The following LENG8 variants were observed in gnomAD, a reference collection of about 807,000 sequenced individuals.
LENG8 encodes the protein leukocyte receptor cluster (LRC) member 8.
LENG8 carries 28 observed loss-of-function variants against 102.1 expected under a neutral mutation model. The observed-to-expected ratio is 0.27, with a 90% CI of 0.20 to 0.38. LENG8 has a LOEUF of 0.38. Ranked by LOEUF, LENG8 falls within the 10% of genes least tolerant of loss-of-function variation. The pLI is 1.00. For missense variants in LENG8, 1,022 were observed against 1,113.9 expected, an observed-to-expected ratio of 0.92 and a Z score of 1.17; for synonymous variants, 531 against 456.7, an observed-to-expected ratio of 1.16 and a Z score of -2.07.
chr19:54,454,562 A>G lies in LENG8; in HGVS notation c.559A>G (p.Thr187Ala). Residue 187 changes from threonine to alanine, a missense_variant, in exon 6 of 16, where the codon ACA becomes GCA. By Grantham distance (58) the Thr-to-Ala change is moderately conservative. Around this residue, in one of 7 missense-constraint regions of LENG8, gnomAD observed 343 missense variants for 320.2 expected, o/e 1.07. Coordinates refer to ENST00000326764, the MANE Select transcript of LENG8 (RefSeq NM_052925.4). The part of the protein sequence containing the change: ...HTLNSGPQPG[T>A]APATQHSQAG... ...GCTGAACAGTGGCCCTCAGCCTGGG[A>G]CAGCTCCAGCCACACAGCACAGCCA... The G allele has an allele frequency of 6.2e-7, 1 of 1,612,456 alleles. No individual in the cohort carries two copies. The highest frequency in any genetic ancestry group is 1.1e-5 in the South Asian group (1 of 90,962).
chr19:54,461,048 G>T lies in LENG8; in HGVS notation c.*120G>T. On this transcript the variant is annotated 3_prime_UTR_variant, in exon 16 of 16. Coordinates refer to ENST00000326764, the MANE Select transcript of LENG8 (RefSeq NM_052925.4). ...ATTTGTGGGGAGTGCGCTCCAGGAA[G>T]AGCCACCATCCCTGCCCCCGTTTTC... The T allele has an allele frequency of 1.4e-6, 2 of 1,411,654 alleles. No individual in the cohort carries two copies. The highest frequency in any genetic ancestry group is 1.9e-6 in the Non-Finnish European group (2 of 1,040,860). The allele number at this position is 1,411,654 out of a possible 1,614,324, so 87.4% of individuals were successfully genotyped here. A position where few individuals can be genotyped will look rare whatever the true frequency, so the allele number is the denominator to read the frequency against.
In LENG8 at chr19:54,461,994, A is replaced by C. The variant is rs555467646; in HGVS notation, c.*1066A>C. ...CCATTTGGAAGCTTGAGAGAAACCA[A>C]AATTAAAGAGAGAAAGAGAGAGCGT... is the stretch of plus-strand genomic sequence containing the variant. On this transcript the variant is annotated 3_prime_UTR_variant, in exon 16 of 16. Transcript: ENST00000326764. 287 of 1,416,252 alleles carry C rather than the reference A, an allele frequency of 2.0e-4. 2 individuals carry two copies. Among genetic ancestry groups the C allele is most frequent in the Middle Eastern group, 1.6e-3 (9 of 5,516 alleles). The allele number at this position is 1,416,252 out of a possible 1,614,324, so 87.7% of individuals were successfully genotyped here.
chr19:54,456,458 G>A lies in LENG8; in HGVS notation c.1438G>A (p.Gly480Arg). ...TCGGGGCCGAGGCAGGGCGCAGCGT[G>A]GGAAGAGGTGAGACTGTGTGAGGGC... ...MDRGRGRAQR[G>R]KRHDLAPTKR... is the part of the protein sequence containing the mutation. Residue 480 changes from glycine (G) to arginine (R), a missense_variant, in exon 10 of 16, where the codon GGG becomes AGG. By Grantham distance (125) the Gly-to-Arg change is moderately radical. Transcript: ENST00000326764. 2 of 1,604,694 alleles carry A rather than the reference G, an allele frequency of 1.2e-6. No homozygotes were observed. The highest frequency in any genetic ancestry group is 1.7e-6 in the Non-Finnish European group (2 of 1,178,514).
At chr19:54,455,702 G>GGGATGAAGTCCTGGTT (rs2123128414) in intron 8 of LENG8, 135 bp downstream of exon 8, 1 of 932,814 alleles carries the variant, frequency 1.1e-6, no homozygotes, top group Non-Finnish European at 1.6e-6. Flanking sequence ...GGATCCTGGG[G>GGGATGAAGTCCTGGTT]GGATGAAGTC....
At chr19:54,450,906 C>T (rs1033011661) in intron 1 of LENG8, among the ~76,000 whole-genome samples, 1 of 152,186 alleles carries the variant, frequency 6.6e-6, no homozygotes, top group Non-Finnish European at 1.5e-5. Context: ...AGGCGTGAGC[C>T]ACCGCGCCTG....
At position 54,452,653 on chromosome 19, in the gene LENG8, C is replaced by T. The variant is rs201248644; in HGVS notation, c.216C>T (p.Tyr72=). ...SSNGPVASAQ[Y]VSQAEASALQ... Reference sequence around the variant, plus strand: ...CACATGTGCCTCTGCTTCCACAGTACGTGTCCCAGGCAGAAGCCTCAGCTT... The same window carrying T: ...CACATGTGCCTCTGCTTCCACAGTATGTGTCCCAGGCAGAAGCCTCAGCTT... The change falls in exon 4 of 16, where the codon TAC becomes TAT. Residue 72 remains tyrosine, a splice_region_variant and synonymous_variant. Coordinates refer to ENST00000326764, the MANE Select transcript of LENG8 (RefSeq NM_052925.4). The T allele has an allele frequency of 9.5e-5, 153 of 1,612,812 alleles. No homozygotes were observed. Among genetic ancestry groups the T allele is most frequent in the Non-Finnish European group, 1.2e-4 (139 of 1,178,994 alleles).
chr19:54,452,294 A>C, intron 3 of LENG8, 27 bp downstream of exon 3: 4 of 1,575,980 alleles, frequency 2.5e-6, no homozygotes, highest in Non-Finnish European at 3.5e-6. Flanking sequence ...GGGCTGGGGT[A>C]CCCTGAGCCA....
chr19:54,460,719 G>GGCCCCCCCCCCCCC, intron 15 of LENG8, 47 bp from the exon 16 acceptor site: 1 of 778,920 alleles, frequency 1.3e-6, no homozygotes, highest in Non-Finnish European at 1.8e-6. Flanking sequence ...GCCCTCCCCT[G>GGCCCCCCCCCCCCC]CCCTCCCGCC....
At position 54,461,513 on chromosome 19, in the gene LENG8, C is replaced by A. The variant is rs1412572274; in HGVS notation, c.*585C>A. 2.1e-6 allele frequency: 1 copy of A among 470,100 alleles called. No homozygotes were observed. Among genetic ancestry groups the A allele is most frequent in the African/African-American group, 2.0e-5 (1 of 50,104 alleles). The allele number at this position is 470,100 out of a possible 1,614,324, so 29.1% of individuals were successfully genotyped here. A position where few individuals can be genotyped will look rare whatever the true frequency, so the allele number is the denominator to read the frequency against. On this transcript the variant is annotated 3_prime_UTR_variant, in exon 16 of 16. Coordinates refer to ENST00000326764, the MANE Select transcript of LENG8 (RefSeq NM_052925.4). ...GTGCCAGCACCACCAGCACCAGATC[C>A]TCCGCCGCCACACCGCACTGAGGAC...
intron 1 of LENG8, among the ~76,000 whole-genome samples, chr19:54,450,747 AG>A (rs2083925461): frequency 6.6e-6 from 1 of 150,938 alleles, no homozygotes; most frequent in Admixed American, 6.6e-5. Flanking sequence ...CGGCCTCCCT[AG>A]TAGCTGGGAT....
At chr19:54,456,517 G>A in intron 10 of LENG8, 52 bp downstream of exon 10, 2 of 1,551,630 alleles carry the variant, frequency 1.3e-6, no homozygotes, top group Non-Finnish European at 8.7e-7. Flanking sequence ...GAGGGTACTG[G>A]GGACCCATGG....
At chr19:54,457,296 G>A (rs534856360) in intron 11 of LENG8, among the ~76,000 whole-genome samples, 15 of 152,330 alleles carry the variant, frequency 9.8e-5, no homozygotes, top group Admixed American at 3.9e-4. Flanking sequence ...GTGCTTATAG[G>A]GAAATGGGTG....
chr19:54,459,983 G>A, intron 15 of LENG8: 4 of 1,233,944 alleles, frequency 3.2e-6, no homozygotes, highest in Non-Finnish European at 4.2e-6. Context: ...TGGGAACATA[G>A]CCATGAGTGC....
Position 54,458,147 on chromosome 19 carries a change from G to A in LENG8, c.1947G>A (p.Ser649=), listed in dbSNP as rs754432191. ...ACCAGTGCCAGACGCAGCTCAAGTC[G>A]CTGTACGCCGAGAACTTGCCTGGCA... The part of the protein sequence containing the change: ...EFNQCQTQLK[S]LYAENLPGNV... Residue 649 remains serine (S), a synonymous_variant, in exon 14 of 16, where the codon TCG becomes TCA. Coordinates refer to ENST00000326764, the MANE Select transcript of LENG8 (RefSeq NM_052925.4). The A allele has an allele frequency of 3.7e-6, 6 of 1,613,990 alleles. No individual in the cohort carries two copies. Among genetic ancestry groups the A allele is most frequent in the Middle Eastern group, 1.6e-4 (1 of 6,062 alleles).
chr19:54,455,355 C>G lies in LENG8; in HGVS notation c.822-9C>G. ...TCTCCAGCTGAGCCCCTCATCTGTC[C>G]TCCCGCAGCGGGTCCTCTGCCCGGG... is the stretch of plus-strand genomic sequence containing the variant. On this transcript the variant is annotated splice_polypyrimidine_tract_variant and intron_variant, in intron 7 of 15. Coordinates refer to ENST00000326764, the MANE Select transcript of LENG8 (RefSeq NM_052925.4). The G allele has an allele frequency of 1.2e-6, 2 of 1,613,874 alleles. No homozygotes were observed. The highest frequency in any genetic ancestry group is 1.7e-6 in the Non-Finnish European group (2 of 1,179,846).
intron 11 of LENG8, among the ~76,000 whole-genome samples, chr19:54,457,448 C>A (rs1227054208): frequency 6.6e-6 from 1 of 152,218 alleles, no homozygotes; most frequent in South Asian, 2.1e-4. Flanking sequence ...TCAAGCGATT[C>A]TCCTGCCTCA....
In LENG8 at chr19:54,461,295, G is replaced by T. The variant is rs1463997348; in HGVS notation, c.*367G>T. The T allele has an allele frequency of 2.1e-6, 1 of 467,402 alleles. No individual in the cohort carries two copies. Among genetic ancestry groups the T allele is most frequent in the South Asian group, 1.6e-5 (1 of 62,758 alleles). 29.0% of individuals were successfully genotyped at this position (467,402 alleles called of 1,614,324 possible). On this transcript the variant is annotated 3_prime_UTR_variant, in exon 16 of 16. Coordinates refer to ENST00000326764, the MANE Select transcript of LENG8 (RefSeq NM_052925.4). ...CCGGCGCCCTGGCCCATCCCATGCC[G>T]GGGGGCCAGTGGAAAGAAGACAGGC...
intron 1 of LENG8, among the ~76,000 whole-genome samples, chr19:54,450,899 C>T (rs1277956767): frequency 3.9e-5 from 6 of 152,192 alleles, no homozygotes; most frequent in South Asian, 4.1e-4. Flanking sequence ...GGATTACAGG[C>T]GTGAGCCACC....
At chr19:54,459,882 C>T in intron 15 of LENG8, 2 of 1,168,192 alleles carry the variant, frequency 1.7e-6, no homozygotes, top group South Asian at 3.2e-5. Flanking sequence ...CATGATGGGC[C>T]CCATGAATGG....
Sources: gnomAD v4.1 joint callset for allele counts (sites outside exome capture counted in the v4.1 genomes callset) on GRCh38, gnomAD v4.1.1 for gene constraint, gnomAD v4.1.1 regional missense constraint, MANE v1.5 for transcripts, NCBI Gene and HGNC (gene_info 2026-07-23, HGNC 2026-07-21) for gene names.